The following SFMBT1 variants were observed in gnomAD, a reference collection of about 807,000 sequenced individuals.
SFMBT1 encodes Scm like with four mbt domains 1.
SFMBT1 carries 32 observed loss-of-function variants against 108.7 expected under a neutral mutation model. The ratio of observed to expected loss-of-function variants is 0.29; its 90% CI spans 0.22 to 0.40. SFMBT1 has a LOEUF of 0.40. SFMBT1 is among the 10% of genes least tolerant of loss of function. SFMBT1 has a pLI of 1.00. For missense variants in SFMBT1, 816 were observed against 1,059.6 expected (o/e 0.77, Z 3.19); for synonymous variants, 348 against 369.5 (o/e 0.94, Z 0.67).
chr3:52,958,129 C>A lies in SFMBT1; in HGVS notation c.29-3718G>T, dbSNP rs569452368. On this transcript the variant is annotated intron_variant, in intron 2 of 20. Transcript: ENST00000394752. ...AAATTTACAAGAAAAAACCCAACAA[C>A]CCCATTAAAAAGCGGACAAAGGACA... 2.6e-5 allele frequency among the ~76,000 whole-genome samples: 4 copies of A among 152,202 alleles called. No individual in the cohort carries two copies. The East Asian group carries it at 7.7e-4, about 29-fold the overall frequency.
intron 1 of SFMBT1, among the ~76,000 whole-genome samples, chr3:53,025,907 CG>C (rs1203735478): frequency 1.3e-5 from 2 of 152,134 alleles, no homozygotes; most frequent in African/African-American, 4.8e-5. Flanking sequence ...AGCTTTGGTG[CG>C]GGAGCTTTAT....
chr3:53,028,204 C>T (rs1358623540), intron 1 of SFMBT1, among the ~76,000 whole-genome samples: 1 of 152,154 alleles, frequency 6.6e-6, no homozygotes, highest in Non-Finnish European at 1.5e-5. Context: ...GCCTCAACCA[C>T]CTGAGTAGCT....
chr3:52,920,843 A>C lies in SFMBT1; in HGVS notation c.1259-193T>G, dbSNP rs557502499. On this transcript the variant is annotated intron_variant, in intron 11 of 20. Coordinates refer to ENST00000394752, the MANE Select transcript of SFMBT1 (RefSeq NM_016329.4). ...GAAAAAAAACTGTCTTCCATGTAAA[A>C]CTGTATCAGGACCAAAATGGGTAGA... 3.7e-4 allele frequency among the ~76,000 whole-genome samples: 57 copies of C among 152,310 alleles called. 2 individuals are homozygous for C. The South Asian group carries it at 0.011, about 28-fold the overall frequency.
chr3:52,935,970 G>C (rs963092974), intron 4 of SFMBT1, among the ~76,000 whole-genome samples: 11 of 152,246 alleles, frequency 7.2e-5, no homozygotes, highest in Admixed American at 6.5e-4. Context: ...ACTGTTCCCT[G>C]TATTTGCCAT....
At chr3:52,952,969 A>G (rs1045799963) in intron 3 of SFMBT1, among the ~76,000 whole-genome samples, 1 of 152,226 alleles carries the variant, frequency 6.6e-6, no homozygotes, top group Non-Finnish European at 1.5e-5. Flanking sequence ...GCAAGCCAGA[A>G]AGAGGGCCCT....
In SFMBT1 at chr3:52,907,094, T is replaced by C; in HGVS notation, c.2306A>G (p.Asp769Gly). The change falls in exon 19 of 21, where the codon GAT becomes GGT. Residue 769 changes from aspartate to glycine, a missense_variant. By Grantham distance (94) the Asp-to-Gly change is moderately conservative. Transcript: ENST00000394752. Reference protein sequence around the residue: ...RELRTFSFSDDENKPPSPKEI... With the variant: ...RELRTFSFSDGENKPPSPKEI... ...CTTTGGTGAAGGAGGTTTATTTTCA[T>C]CGTCAGAAAATGAAAAGGTGCGAAG... 1 of 1,612,872 alleles carries C rather than the reference T, an allele frequency of 6.2e-7. No individual in the cohort carries two copies. The highest frequency in any genetic ancestry group is 1.1e-5 in the South Asian group (1 of 90,670).
At chr3:52,965,427 CAA>C (rs35581240) in intron 2 of SFMBT1, among the ~76,000 whole-genome samples, 15 of 133,496 alleles carry the variant, frequency 1.1e-4, no homozygotes, top group African/African-American at 1.4e-4. Flanking sequence ...AAACTAAAGG[CAA>C]AAAAAAAAAA....
chr3:53,025,623 A>G (rs1699465006), intron 1 of SFMBT1, among the ~76,000 whole-genome samples: 1 of 151,384 alleles, frequency 6.6e-6, no homozygotes, highest in Non-Finnish European at 1.5e-5. Context: ...TTAAAAAAAG[A>G]AAAAAAAAGA....
rs565612514 is a variant in SFMBT1 at position 52,981,732 on chromosome 3, AC to A, written c.-130-12475del. Among the ~76,000 whole-genome samples, 237 of 152,070 alleles carry A rather than the reference AC, an allele frequency of 1.6e-3. 1 individual carries two copies. The highest frequency in any genetic ancestry group is 5.4e-3 in the African/African-American group (226 of 41,478). On this transcript the variant is annotated intron_variant, in intron 1 of 20. Coordinates refer to ENST00000394752, the MANE Select transcript of SFMBT1 (RefSeq NM_016329.4). ...GCTCTATTTTGGGGGAAAATGTGCTACAAAGGACATTAATTAGTAAGGAGAA... is the reference window on the plus strand; with the variant it reads ...GCTCTATTTTGGGGGAAAATGTGCTAAAAGGACATTAATTAGTAAGGAGAA...
chr3:53,014,793 A>G (rs1261667630), intron 1 of SFMBT1, among the ~76,000 whole-genome samples: 2 of 152,244 alleles, frequency 1.3e-5, no homozygotes, highest in Non-Finnish European at 2.9e-5. Context: ...GTGAATGAAT[A>G]AAGACACAGC....
At chr3:52,905,470 TAATAAAGTTTTACTGAGGAC>T (rs1181098282) in intron 20 of SFMBT1, among the ~76,000 whole-genome samples, 194 bp from the exon 21 acceptor site, 3 of 152,216 alleles carry the variant, frequency 2.0e-5, no homozygotes, top group Non-Finnish European at 4.4e-5. Context: ...GCTTCAGAAT[TAATAAAGTTTTACTGAGGAC>T]AATAAAGTTT....
At chr3:52,995,344 C>T (rs1230189300) in intron 1 of SFMBT1, among the ~76,000 whole-genome samples, 2 of 149,972 alleles carry the variant, frequency 1.3e-5, no homozygotes, top group African/African-American at 2.4e-5. Context: ...TTTTAATATC[C>T]AGAAAAAGAA....
chr3:53,030,070 C>A (rs1222800455), intron 1 of SFMBT1, among the ~76,000 whole-genome samples: 2 of 151,714 alleles, frequency 1.3e-5, no homozygotes, highest in Non-Finnish European at 2.9e-5. Flanking sequence ...GTCTATGGTA[C>A]TGTTTGCAGC....
intron 2 of SFMBT1, among the ~76,000 whole-genome samples, chr3:52,956,703 G>A (rs188116805): frequency 3.5e-4 from 53 of 152,284 alleles, no homozygotes; most frequent in Non-Finnish European, 6.3e-4. Context: ...GGAGGTTGCC[G>A]TGAGCCGAGG....
intron 1 of SFMBT1, among the ~76,000 whole-genome samples, chr3:52,974,769 C>T (rs1193870294): frequency 6.8e-6 from 1 of 147,588 alleles, no homozygotes; most frequent in Non-Finnish European, 1.5e-5. Flanking sequence ...GGTGGCGAAT[C>T]ACTTGAGCTC....
In SFMBT1 at chr3:53,015,813, G is replaced by T. The variant is rs536764131; in HGVS notation, c.-131+30003C>A. Among the ~76,000 whole-genome samples the T allele has an allele frequency of 4.6e-5, 7 of 151,916 alleles. No individual in the cohort carries two copies. In the South Asian group the frequency reaches 1.5e-3, roughly 32 times the overall value. On this transcript the variant is annotated intron_variant, in intron 1 of 20. Coordinates refer to ENST00000394752, the MANE Select transcript of SFMBT1 (RefSeq NM_016329.4). ...GGGCATAACTGCTAATGGGTACAAG[G>T]TTTTTTTTCTGGAATAATGAAAATG...
chr3:52,926,918 A>G (rs947036188), intron 9 of SFMBT1, among the ~76,000 whole-genome samples: 3 of 152,030 alleles, frequency 2.0e-5, no homozygotes, highest in African/African-American at 7.2e-5. Context: ...GACTGGCACC[A>G]TGTTCTCCCT....
chr3:52,941,703 C>A (rs1703190459), intron 4 of SFMBT1, among the ~76,000 whole-genome samples: 1 of 151,270 alleles, frequency 6.6e-6, no homozygotes, highest in Non-Finnish European at 1.5e-5. Context: ...TTGAGACTGG[C>A]CTGGGCAACA....
intron 3 of SFMBT1, among the ~76,000 whole-genome samples, chr3:52,949,875 C>T (rs1703513084): frequency 1.3e-5 from 2 of 152,046 alleles, no homozygotes; most frequent in Non-Finnish European, 2.9e-5. Context: ...TCCTAACATT[C>T]CTTGCTTTGA....
Sources: allele counts gnomAD v4.1 joint callset (sites outside exome capture counted in the v4.1 genomes callset), GRCh38; gene constraint gnomAD v4.1.1; transcripts MANE v1.5; gene names NCBI Gene and HGNC (gene_info 2026-07-23, HGNC 2026-07-21).